Variants in ROBO1 observed in about 807,000 individuals in gnomAD.
The protein encoded by ROBO1 is roundabout guidance receptor 1.
ROBO1 carries 149 observed loss-of-function variants against 195.9 expected under a neutral mutation model. The ratio of observed to expected loss-of-function variants is 0.76; its 90% confidence interval spans 0.67 to 0.87. ROBO1 has a LOEUF of 0.87. Among genes scored for constraint, ROBO1 ranks in the 40% least tolerant of loss-of-function variants. ROBO1 has a pLI of 0.00. For missense variants in ROBO1, 1,933 were observed against 2,068.3 expected (o/e 0.93, Z 1.27); for synonymous variants, 816 against 733.2 (o/e 1.11, Z -1.82).
intron 3 of ROBO1, among the ~76,000 whole-genome samples, chr3:79,100,044 G>C (rs1055420850): frequency 6.6e-6 from 1 of 151,692 alleles, no homozygotes; most frequent in Admixed American, 6.6e-5. Context: ...AATTTAAAAA[G>C]TCTTAAGGAG....
chr3:78,677,820 G>A (rs1432846302), intron 10 of ROBO1, among the ~76,000 whole-genome samples: 18 of 152,080 alleles, frequency 1.2e-4, no homozygotes, highest in Admixed American at 5.9e-4. Context: ...TGCACCAAGC[G>A]GACCTAATAG....
At chr3:79,402,845 T>G (rs1299421302) in intron 2 of ROBO1, among the ~76,000 whole-genome samples, 1 of 152,096 alleles carries the variant, frequency 6.6e-6, no homozygotes, top group South Asian at 2.1e-4. Flanking sequence ...TCACTAGAAA[T>G]AATTTTGATG....
chr3:78,675,610 G>T (rs1366721698), intron 10 of ROBO1, among the ~76,000 whole-genome samples: 1 of 152,182 alleles, frequency 6.6e-6, no homozygotes, highest in Non-Finnish European at 1.5e-5. Context: ...CAGCGAGGCT[G>T]GGGGAGGGGG....
intron 4 of ROBO1, among the ~76,000 whole-genome samples, chr3:78,927,205 T>C (rs1161610170): frequency 2.0e-5 from 3 of 152,198 alleles, no homozygotes; most frequent in African/African-American, 7.2e-5. Flanking sequence ...AATGGGCTCC[T>C]ATTATATTCT....
intron 26 of ROBO1, among the ~76,000 whole-genome samples, chr3:78,619,639 C>T (rs1287705313): frequency 1.3e-5 from 2 of 151,872 alleles, no homozygotes; most frequent in African/African-American, 4.8e-5. Context: ...AAAAGCAGAA[C>T]ATGATCACTT....
rs114247356 is a variant in ROBO1, at chr3:79,763,927, G to C, written c.-51+3825C>G. On this transcript the variant is annotated intron_variant, in intron 1 of 30. Coordinates refer to ENST00000464233, the MANE Select transcript of ROBO1 (RefSeq NM_002941.4). Reference sequence around the variant, plus strand: ...GTTTAAATATGGGGGAAAATAGGTAGGTCCAGTTAACTGAAGAGAATGGCT... The same window carrying C: ...GTTTAAATATGGGGGAAAATAGGTACGTCCAGTTAACTGAAGAGAATGGCT... 3.1e-3 allele frequency among the ~76,000 whole-genome samples: 466 copies of C among 152,264 alleles called. 3 individuals are homozygous for C. Among genetic ancestry groups the C allele is most frequent in the African/African-American group, 0.011 (445 of 41,540 alleles).
rs565922327 is a variant in ROBO1 at position 78,781,414 on chromosome 3, A to T, written c.500-34514T>A. Among the ~76,000 whole-genome samples the T allele has an allele frequency of 2.0e-5, 3 of 152,288 alleles. No individual in the cohort carries two copies. The East Asian group carries it at 5.8e-4, about 29-fold the overall frequency. ...CTCTAACCCCAAGTGGGTATATAAA[A>T]GCTTCAGAAAAGTGAAGCAGTGGGT... On this transcript the variant is annotated intron_variant, in intron 4 of 30. Coordinates refer to ENST00000464233, the MANE Select transcript of ROBO1 (RefSeq NM_002941.4).
chr3:79,678,182 C>A (rs963954689), intron 1 of ROBO1, among the ~76,000 whole-genome samples: 2 of 151,924 alleles, frequency 1.3e-5, no homozygotes, highest in African/African-American at 4.8e-5. Context: ...GGTAACTTTT[C>A]TAAACCTTTA....
At chr3:79,574,399 C>T (rs1166539153) in intron 2 of ROBO1, among the ~76,000 whole-genome samples, 1 of 151,386 alleles carries the variant, frequency 6.6e-6, no homozygotes, top group African/African-American at 2.4e-5. Context: ...ATTTTGCTAC[C>T]ATAAATTTTG....
chr3:79,330,251 A>G (rs2109167486), intron 2 of ROBO1, among the ~76,000 whole-genome samples: 1 of 142,166 alleles, frequency 7.0e-6, no homozygotes, highest in African/African-American at 2.7e-5. Flanking sequence ...CCTAGAACTT[A>G]AAGTATAATA....
At chr3:78,636,836 C>T (rs1052085846) in intron 22 of ROBO1, among the ~76,000 whole-genome samples, 1 of 149,520 alleles carries the variant, frequency 6.7e-6, no homozygotes, top group African/African-American at 2.4e-5. Flanking sequence ...TGAAATAATA[C>T]TTAAATATCT....
intron 2 of ROBO1, among the ~76,000 whole-genome samples, chr3:79,128,507 A>G (rs2080259416): frequency 6.6e-6 from 1 of 152,182 alleles, no homozygotes; most frequent in Non-Finnish European, 1.5e-5. Context: ...AAAAGGATGT[A>G]AATTGTATTT....
rs181931506 is a variant in ROBO1, at chr3:79,430,247, G to A, written c.88+159577C>T. The stretch of plus-strand genomic sequence containing the variant: ...TAAGTGTAAGCAATATTTATAATTC[G>A]TAAATTTTCAGAAATTAAGTTCAAT... On this transcript the variant is annotated intron_variant, in intron 2 of 30. Transcript: ENST00000464233. 3.0e-3 allele frequency among the ~76,000 whole-genome samples: 459 copies of A among 152,030 alleles called. 2 individuals carry two copies. Among genetic ancestry groups the A allele is most frequent in the African/African-American group, 9.5e-3 (393 of 41,514 alleles).
chr3:79,530,096 T>A (rs2107607702), intron 2 of ROBO1, among the ~76,000 whole-genome samples: 1 of 152,274 alleles, frequency 6.6e-6, no homozygotes, highest in Middle Eastern at 3.4e-3. Flanking sequence ...TGCTTTAAAA[T>A]AATAGCAAAA....
chr3:78,807,487 G>A (rs936519401), intron 4 of ROBO1, among the ~76,000 whole-genome samples: 4 of 152,110 alleles, frequency 2.6e-5, no homozygotes, highest in Admixed American at 2.6e-4. Flanking sequence ...GGTGAAAAAT[G>A]TTGCTGTGTT....
At position 78,659,775 on chromosome 3, in the gene ROBO1, A is replaced by G; in HGVS notation, c.2353T>C (p.Ser785Pro). 1 of 1,604,038 alleles carries G rather than the reference A, an allele frequency of 6.2e-7. No homozygotes were observed. The highest frequency in any genetic ancestry group is 8.5e-7 in the Non-Finnish European group (1 of 1,174,696). ...PSAPPQGVTVSKNDGNGTAIL... is the reference protein window; with the variant it reads ...PSAPPQGVTVPKNDGNGTAIL... ...GCAGTTCCGTTTCCATCATTCTTGG[A>G]TACAGTTACACCTTGGGGTGGGGCA... Residue 785 changes from serine to proline, a missense_variant, in exon 17 of 31, where the codon TCC becomes CCC. This residue lies in a region of ROBO1 where 1,737 missense variants were observed against 1,882.5 expected (regional missense o/e 0.92). Coordinates refer to ENST00000464233, the MANE Select transcript of ROBO1 (RefSeq NM_002941.4).
intron 8 of ROBO1, among the ~76,000 whole-genome samples, chr3:78,691,516 T>C (rs2081174443): frequency 6.6e-6 from 1 of 152,172 alleles, no homozygotes; most frequent in African/African-American, 2.4e-5. Flanking sequence ...CTCAATTGTT[T>C]TAAATTTAGA....
intron 2 of ROBO1, among the ~76,000 whole-genome samples, chr3:79,292,118 A>G (rs1317471459): frequency 6.6e-6 from 1 of 152,034 alleles, no homozygotes; most frequent in Non-Finnish European, 1.5e-5. Context: ...ATTCCTAGGT[A>G]TTTTATTCTA....
At chr3:79,208,355 A>T (rs1396709339) in intron 2 of ROBO1, among the ~76,000 whole-genome samples, 1 of 152,196 alleles carries the variant, frequency 6.6e-6, no homozygotes, top group Non-Finnish European at 1.5e-5. Flanking sequence ...ACTATGCCAT[A>T]TGCATCTGTG....
Sources: gnomAD v4.1 joint callset for allele counts (sites outside exome capture counted in the v4.1 genomes callset) on GRCh38, gnomAD v4.1.1 for gene constraint, gnomAD v4.1.1 regional missense constraint, MANE v1.5 for transcripts, NCBI Gene and HGNC (gene_info 2026-07-23, HGNC 2026-07-21) for gene names.